Variants in VAV3 observed in about 807,000 individuals in gnomAD.
VAV3 encodes the protein guanine nucleotide exchange factor VAV3.
Under a neutral mutation model 131.2 loss-of-function variants are expected in VAV3, and 94 were observed. The observed-to-expected ratio is 0.72, with a 90% confidence interval of 0.61 to 0.85. The LOEUF (loss-of-function observed/expected upper bound fraction) is 0.85. VAV3 is among the 40% of genes least tolerant of loss of function. The pLI, the probability that VAV3 is intolerant of heterozygous loss-of-function variation, is 0.00. For synonymous variants in VAV3, 349 were observed against 342.0 expected (o/e 1.02, Z -0.22); for missense variants, 939 against 1,002.7 (o/e 0.94, Z 0.86).
intron 15 of VAV3, among the ~76,000 whole-genome samples, chr1:107,727,335 G>T (rs188759397): frequency 1.3e-3 from 202 of 152,232 alleles, no homozygotes; most frequent in Non-Finnish European, 2.5e-3. Flanking sequence ...TTTTTAAGAT[G>T]ATGAATATGA....
intron 20 of VAV3, among the ~76,000 whole-genome samples, chr1:107,620,266 T>G (rs1483370654): frequency 1.3e-5 from 2 of 152,160 alleles, no homozygotes; most frequent in African/African-American, 4.8e-5. Context: ...TAAATTCCTC[T>G]TCATTAAAAA....
intron 11 of VAV3, 108 bp downstream of exon 11, chr1:107,757,145 GTGTGTATA>G: frequency 3.2e-6 from 2 of 618,468 alleles, no homozygotes; most frequent in Non-Finnish European, 2.6e-6. Flanking sequence ...GTATATATAT[GTGTGTATA>G]TGTGTGTGTG....
intron 2 of VAV3, among the ~76,000 whole-genome samples, chr1:107,824,500 C>G (rs1667931762): frequency 6.6e-6 from 1 of 152,084 alleles, no homozygotes; most frequent in African/African-American, 2.4e-5. Context: ...TGAAAAGGAT[C>G]CACAGATAAA....
intron 2 of VAV3, among the ~76,000 whole-genome samples, chr1:107,846,426 A>G (rs1452675728): frequency 6.6e-6 from 1 of 152,206 alleles, no homozygotes; most frequent in African/African-American, 2.4e-5. Context: ...TATTAACCTT[A>G]AATGCAAATG....
At chr1:107,624,436 T>C (rs1418907868) in intron 20 of VAV3, among the ~76,000 whole-genome samples, 1 of 136,656 alleles carries the variant, frequency 7.3e-6, no homozygotes, top group Non-Finnish European at 1.6e-5. Flanking sequence ...AGAATACCTT[T>C]AATGATAGAA....
intron 19 of VAV3, among the ~76,000 whole-genome samples, chr1:107,661,941 G>A (rs542034251): frequency 7.9e-5 from 12 of 152,082 alleles, no homozygotes; most frequent in Non-Finnish European, 1.0e-4. Flanking sequence ...GATTAGTTGA[G>A]GAAGGTATTT....
At chr1:107,834,043 T>C (rs1557872850) in intron 2 of VAV3, among the ~76,000 whole-genome samples, 1 of 152,230 alleles carries the variant, frequency 6.6e-6, no homozygotes. Context: ...CACTTTAAGA[T>C]ATTTAGAAAC....
At chr1:107,768,750 A>C (rs571431658) in intron 6 of VAV3, among the ~76,000 whole-genome samples, 1 of 152,358 alleles carries the variant, frequency 6.6e-6, no homozygotes, top group African/African-American at 2.4e-5. Flanking sequence ...GGTTTAGACA[A>C]TAAATGCTTC....
intron 25 of VAV3, among the ~76,000 whole-genome samples, chr1:107,592,218 A>T (rs1293166784): frequency 1.3e-5 from 2 of 152,056 alleles, no homozygotes; most frequent in Non-Finnish European, 2.9e-5. Flanking sequence ...TAGAGTATAG[A>T]CCAATTATTT....
chr1:107,779,561 T>A, intron 2 of VAV3, 69 bp from the exon 3 acceptor site: 1 of 1,321,452 alleles, frequency 7.6e-7, no homozygotes, highest in Admixed American at 2.6e-5. Context: ...TTCCAAAATT[T>A]TTTCAATCTA....
chr1:107,846,603 G>T (rs1435365842), intron 2 of VAV3, among the ~76,000 whole-genome samples: 1 of 151,970 alleles, frequency 6.6e-6, no homozygotes, highest in Non-Finnish European at 1.5e-5. Context: ...AAAAATAAAG[G>T]AGCGGTTGCA....
chr1:107,895,612 A>G (rs1306384902), intron 1 of VAV3, among the ~76,000 whole-genome samples: 3 of 152,154 alleles, frequency 2.0e-5, no homozygotes, highest in South Asian at 4.1e-4. Flanking sequence ...TGAAGTTACT[A>G]AACACCTCAC....
chr1:107,849,460 CA>C (rs777112323), intron 2 of VAV3, among the ~76,000 whole-genome samples: 2 of 150,030 alleles, frequency 1.3e-5, no homozygotes, highest in East Asian at 2.0e-4. Flanking sequence ...ACAAACCTAA[CA>C]AAAAAAAACA....
intron 24 of VAV3, among the ~76,000 whole-genome samples, chr1:107,600,208 A>G (rs1489116105): frequency 2.6e-5 from 4 of 152,214 alleles, no homozygotes; most frequent in African/African-American, 9.7e-5. Flanking sequence ...GACTCAATAT[A>G]AATTTGCTCA....
At chr1:107,756,411 A>G (rs1009878884) in intron 11 of VAV3, among the ~76,000 whole-genome samples, 1 of 152,104 alleles carries the variant, frequency 6.6e-6, no homozygotes, top group African/African-American at 2.4e-5. Context: ...ACTTCTTTAA[A>G]ATTTGGAACT....
At chr1:107,615,430 T>G (rs1484551253) in intron 21 of VAV3, among the ~76,000 whole-genome samples, 1 of 152,150 alleles carries the variant, frequency 6.6e-6, no homozygotes, top group African/African-American at 2.4e-5. Flanking sequence ...CCCTTCCTTA[T>G]ATGATATACA....
At chr1:107,922,812 C>T (rs1258245768) in intron 1 of VAV3, among the ~76,000 whole-genome samples, 2 of 151,832 alleles carry the variant, frequency 1.3e-5, no homozygotes, top group South Asian at 4.1e-4. Flanking sequence ...ATTAGCCGGG[C>T]GTGGTGGCGG....
chr1:107,926,653 C>T (rs574405993), intron 1 of VAV3, among the ~76,000 whole-genome samples: 5 of 152,016 alleles, frequency 3.3e-5, no homozygotes, highest in Admixed American at 1.3e-4. Context: ...GTGCAGCAAG[C>T]GCGAGGCATT....
intron 1 of VAV3, among the ~76,000 whole-genome samples, chr1:107,880,901 T>G (rs757277917): frequency 6.6e-6 from 1 of 152,200 alleles, no homozygotes; most frequent in African/African-American, 2.4e-5. Flanking sequence ...TTGCTATGTG[T>G]CAAGCTCTAT....
Sources: allele counts gnomAD v4.1 joint callset (sites outside exome capture counted in the v4.1 genomes callset), GRCh38; gene constraint gnomAD v4.1.1; transcripts MANE v1.5; gene names NCBI Gene and HGNC (gene_info 2026-07-23, HGNC 2026-07-21).